The following SLC35D4 variants were observed in gnomAD, a reference collection of about 807,000 sequenced individuals.
SLC35D4 encodes solute carrier family 35 member D4.
chr18:23,334,285 CA>C, the SLC35D4 span, among the ~76,000 whole-genome samples: 1 of 152,094 alleles, frequency 6.6e-6, no homozygotes, highest in African/African-American at 2.4e-5. Context: ...TCTTCTTGGA[CA>C]CAGATGCAAC....
the SLC35D4 span, among the ~76,000 whole-genome samples, chr18:23,317,710 G>A: frequency 6.6e-6 from 1 of 151,874 alleles, no homozygotes; most frequent in South Asian, 2.1e-4. Flanking sequence ...TACCATTGTA[G>A]ATTAGATATA....
At chr18:23,280,213 C>T in the SLC35D4 span, among the ~76,000 whole-genome samples, 10 of 152,266 alleles carry the variant, frequency 6.6e-5, no homozygotes, top group Non-Finnish European at 1.2e-4. Flanking sequence ...GGCGTGTGTG[C>T]GCGCAGCCGA....
the SLC35D4 span, chr18:23,437,927 A>AGCAGCAGCG: frequency 6.6e-7 from 1 of 1,504,434 alleles, no homozygotes; most frequent in Non-Finnish European, 9.1e-7. Context: ...CCCCCGCAGC[A>AGCAGCAGCG]GCAGCAGCGG....
At chr18:23,340,046 C>T in the SLC35D4 span, among the ~76,000 whole-genome samples, 2 of 152,182 alleles carry the variant, frequency 1.3e-5, no homozygotes, top group East Asian at 1.9e-4. Context: ...AGTCTCTCTA[C>T]CACGCACCTC....
At chr18:23,358,178 C>T in the SLC35D4 span, among the ~76,000 whole-genome samples, 10 of 152,188 alleles carry the variant, frequency 6.6e-5, no homozygotes, top group African/African-American at 2.4e-4. Context: ...GTGCTCTTGG[C>T]CCTTTCCCAG....
At chr18:23,370,082 G>A in the SLC35D4 span, 37 of 643,258 alleles carry the variant, frequency 5.8e-5, no homozygotes, top group East Asian at 1.1e-3. Flanking sequence ...GGGAGGCTGA[G>A]GCAGGCGAAT....
At chr18:23,397,562 G>T in the SLC35D4 span, among the ~76,000 whole-genome samples, 1 of 152,160 alleles carries the variant, frequency 6.6e-6, no homozygotes. Context: ...TCGTGACATA[G>T]GTTTCTACCC....
At chr18:23,428,539 A>C in the SLC35D4 span, among the ~76,000 whole-genome samples, 1 of 152,170 alleles carries the variant, frequency 6.6e-6, no homozygotes, top group South Asian at 2.1e-4. Context: ...TGTTTTTTAG[A>C]CAGGATCTCA....
At chr18:23,292,716 A>G in the SLC35D4 span, among the ~76,000 whole-genome samples, 1 of 152,188 alleles carries the variant, frequency 6.6e-6, no homozygotes, top group Non-Finnish European at 1.5e-5. Context: ...TGGAAAAGTT[A>G]CTGAGTCTTT....
the SLC35D4 span, among the ~76,000 whole-genome samples, chr18:23,329,080 T>G: frequency 1.3e-5 from 2 of 152,224 alleles, no homozygotes; most frequent in South Asian, 2.1e-4. Context: ...GACTTAAATG[T>G]TAGACCTAAA....
chr18:23,319,728 C>T, the SLC35D4 span, among the ~76,000 whole-genome samples: 1 of 152,186 alleles, frequency 6.6e-6, no homozygotes, highest in African/African-American at 2.4e-5. Flanking sequence ...CATGAGCCAC[C>T]GCGCCCTGCC....
the SLC35D4 span, among the ~76,000 whole-genome samples, chr18:23,410,349 C>T: frequency 2.0e-5 from 3 of 151,780 alleles, no homozygotes; most frequent in Non-Finnish European, 4.4e-5. Flanking sequence ...CGGTGGTGGG[C>T]GCCTGTAGTC....
chr18:23,308,876 C>CTGTG, the SLC35D4 span, among the ~76,000 whole-genome samples: 1,419 of 140,072 alleles, frequency 0.01, 11 homozygotes, highest in South Asian at 0.029. Flanking sequence ...CTCTCTCTCT[C>CTGTG]TGTGTGTGTG....
the SLC35D4 span, among the ~76,000 whole-genome samples, chr18:23,432,660 GAC>G: frequency 2.1e-5 from 3 of 142,064 alleles, no homozygotes; most frequent in Non-Finnish European, 4.6e-5. Flanking sequence ...CAGCCTAGGA[GAC>G]AGAGTGAGAC....
chr18:23,384,907 A>T, the SLC35D4 span: 8 of 1,247,134 alleles, frequency 6.4e-6, no homozygotes, highest in South Asian at 1.3e-5. Context: ...AGAGGCAGAC[A>T]CTAATTTGGG....
chr18:23,322,365 T>C, the SLC35D4 span, among the ~76,000 whole-genome samples: 12 of 152,216 alleles, frequency 7.9e-5, no homozygotes, highest in Admixed American at 7.8e-4. Flanking sequence ...TATGTTCTCT[T>C]GGTTTATATC....
the SLC35D4 span, among the ~76,000 whole-genome samples, chr18:23,351,982 T>C: frequency 2.0e-5 from 3 of 152,182 alleles, no homozygotes; most frequent in Non-Finnish European, 4.4e-5. Flanking sequence ...CTATCCATGA[T>C]TGTCTTCCAG....
the SLC35D4 span, among the ~76,000 whole-genome samples, chr18:23,351,268 G>A: frequency 6.6e-6 from 1 of 152,010 alleles, no homozygotes; most frequent in Non-Finnish European, 1.5e-5. Context: ...TTAGCTGGGT[G>A]TGGTGGCGCA....
At chr18:23,434,398 T>A in the SLC35D4 span, among the ~76,000 whole-genome samples, 3 of 152,214 alleles carry the variant, frequency 2.0e-5, no homozygotes, top group Non-Finnish European at 2.9e-5. Flanking sequence ...ACGATTTCGA[T>A]TATTCAGATT....
Sources: allele counts gnomAD v4.1 joint callset (sites outside exome capture counted in the v4.1 genomes callset), GRCh38; gene constraint gnomAD v4.1.1; transcripts MANE v1.5; gene names NCBI Gene and HGNC (gene_info 2026-07-23, HGNC 2026-07-21).